Variants in CTNNA2 observed in about 807,000 individuals in gnomAD.
The protein encoded by CTNNA2 is catenin alpha 2.
Under a neutral mutation model 101.0 loss-of-function variants are expected in CTNNA2, and 42 were observed. That is an observed-to-expected ratio of 0.42 (90% confidence interval 0.32 to 0.54). CTNNA2 has a LOEUF of 0.54. Among genes scored for constraint, CTNNA2 ranks in the 20% least tolerant of loss-of-function variants. The probability of loss-of-function intolerance (pLI) is 0.14; values close to 1 mark genes in which losing one functional copy is unlikely to be tolerated. For synonymous variants in CTNNA2, 450 were observed against 456.4 expected (o/e 0.99, Z 0.18); for missense variants, 871 against 1,223.1 (o/e 0.71, Z 4.29).
chr2:79,248,331 C>A (rs1212475151), intron 2 of CTNNA2, among the ~76,000 whole-genome samples: 1 of 151,622 alleles, frequency 6.6e-6, no homozygotes. Flanking sequence ...TAAAAAGAAA[C>A]AGGTAAAATT....
intron 7 of CTNNA2, among the ~76,000 whole-genome samples, chr2:79,924,767 A>T (rs1340892707): frequency 6.6e-6 from 1 of 152,028 alleles, no homozygotes; most frequent in African/African-American, 2.4e-5. Context: ...TAGTTGGAGG[A>T]TCTATTTGAT....
At chr2:79,477,168 C>CTTTT (rs5832392) in intron 4 of CTNNA2, among the ~76,000 whole-genome samples, 155 of 123,114 alleles carry the variant, frequency 1.3e-3, no homozygotes, top group East Asian at 2.1e-3. Flanking sequence ...TCTTTTTTTT[C>CTTTT]TTTTTTTTTT....
chr2:80,130,060 G>T (rs1303397645), intron 7 of CTNNA2, among the ~76,000 whole-genome samples: 1 of 152,064 alleles, frequency 6.6e-6, no homozygotes, highest in Non-Finnish European at 1.5e-5. Flanking sequence ...ATCAAAAGAA[G>T]AAGAGAAATT....
chr2:80,216,698 C>A (rs756756566), intron 7 of CTNNA2, among the ~76,000 whole-genome samples: 2 of 152,146 alleles, frequency 1.3e-5, no homozygotes, highest in Admixed American at 6.5e-5. Flanking sequence ...GCCTCCAGAA[C>A]GGTGAGAAAC....
intron 6 of CTNNA2, among the ~76,000 whole-genome samples, chr2:79,901,313 G>T (rs1167634304): frequency 6.6e-6 from 1 of 151,450 alleles, no homozygotes; most frequent in Non-Finnish European, 1.5e-5. Context: ...AAATAGTCAT[G>T]CTGGACAGCA....
intron 13 of CTNNA2, among the ~76,000 whole-genome samples, chr2:80,580,308 T>C (rs538213184): frequency 2.0e-5 from 3 of 152,336 alleles, no homozygotes; most frequent in South Asian, 2.1e-4. Context: ...CCTGGGCTTA[T>C]GGATTCTTTC....
chr2:80,001,505 G>A (rs755788646), intron 7 of CTNNA2, among the ~76,000 whole-genome samples: 1 of 152,164 alleles, frequency 6.6e-6, no homozygotes. Context: ...GTGCATATAT[G>A]TACCTTCACA....
At chr2:79,586,137 T>C (rs1245127815) in intron 1 of CTNNA2, among the ~76,000 whole-genome samples, 10 of 152,050 alleles carry the variant, frequency 6.6e-5, no homozygotes, top group Admixed American at 6.6e-4. Flanking sequence ...ACTCCTCCTT[T>C]CTCTCTGCTG....
At chr2:79,648,726 C>G (rs888305172) in intron 1 of CTNNA2, among the ~76,000 whole-genome samples, 1 of 152,022 alleles carries the variant, frequency 6.6e-6, no homozygotes, top group Non-Finnish European at 1.5e-5. Flanking sequence ...GGGGATTTTG[C>G]GGTCCCCACC....
intron 3 of CTNNA2, among the ~76,000 whole-genome samples, chr2:79,791,269 A>G (rs1258293661): frequency 6.6e-6 from 1 of 152,170 alleles, no homozygotes; most frequent in Non-Finnish European, 1.5e-5. Flanking sequence ...CTGTGGAACA[A>G]ATAAGAATCT....
chr2:79,417,016 G>C (rs773374178), intron 4 of CTNNA2, among the ~76,000 whole-genome samples: 1 of 152,006 alleles, frequency 6.6e-6, no homozygotes, highest in Non-Finnish European at 1.5e-5. Flanking sequence ...GAACTCTGTG[G>C]CCCAAACTAC....
At chr2:79,615,379 A>G (rs1678547967) in intron 1 of CTNNA2, among the ~76,000 whole-genome samples, 1 of 152,224 alleles carries the variant, frequency 6.6e-6, no homozygotes, top group East Asian at 1.9e-4. Flanking sequence ...AATATGACTA[A>G]AAAAGTTAGC....
chr2:80,578,419 G>C (rs1279557860), intron 13 of CTNNA2, among the ~76,000 whole-genome samples: 4 of 152,078 alleles, frequency 2.6e-5, no homozygotes, highest in Admixed American at 1.3e-4. Context: ...ATCTTCCTGG[G>C]CCCATTTGCA....
intron 7 of CTNNA2, among the ~76,000 whole-genome samples, chr2:79,996,065 T>C (rs1468301513): frequency 6.6e-6 from 1 of 152,164 alleles, no homozygotes; most frequent in East Asian, 1.9e-4. Flanking sequence ...CTCTGGGCCT[T>C]GAAGTTAAGT....
At chr2:79,641,712 T>TGA (rs1680460887) in intron 1 of CTNNA2, among the ~76,000 whole-genome samples, 1 of 152,320 alleles carries the variant, frequency 6.6e-6, no homozygotes. Flanking sequence ...AGGAGTAGAC[T>TGA]GAGTCTGTAT....
At position 80,303,722 on chromosome 2, in the gene CTNNA2, G is replaced by A. The variant is rs1464347534; in HGVS notation, c.1057-89489G>A. 6.2e-7 allele frequency: 1 copy of A among 1,605,984 alleles called. No homozygotes were observed. The highest frequency in any genetic ancestry group is 1.7e-5 in the Admixed American group (1 of 59,500). On this transcript the variant is annotated intron_variant, in intron 7 of 18. Transcript: ENST00000402739. The surrounding 1 kb of genome is among the most constrained non-coding windows in gnomAD (Gnocchi z 7.7). ...CTGCGGGCACCCGCTGGGGGCGGCG[G>A]GCAGCATCTGAAAGCAGGCCCCCAG... is the stretch of plus-strand genomic sequence containing the variant.
chr2:79,705,083 G>T (rs1011653778), intron 2 of CTNNA2, among the ~76,000 whole-genome samples: 34 of 151,984 alleles, frequency 2.2e-4, no homozygotes, highest in African/African-American at 8.0e-4. Flanking sequence ...CTAGTGGGTC[G>T]AATCCAAGGA....
intron 7 of CTNNA2, among the ~76,000 whole-genome samples, chr2:79,920,120 G>A (rs1366948635): frequency 1.3e-5 from 2 of 152,274 alleles, no homozygotes; most frequent in Middle Eastern, 3.4e-3. Flanking sequence ...GGGAGGCTGA[G>A]GCAGGAGAAT....
At chr2:79,286,290 G>T (rs1195570592) in intron 2 of CTNNA2, among the ~76,000 whole-genome samples, 2 of 152,262 alleles carry the variant, frequency 1.3e-5, no homozygotes, top group East Asian at 3.9e-4. Context: ...AATTTGATCT[G>T]TCATTATGAT....
Sources: allele counts gnomAD v4.1 joint callset (sites outside exome capture counted in the v4.1 genomes callset), GRCh38; gene constraint gnomAD v4.1.1; non-coding constraint Gnocchi (gnomAD v3.1); transcripts MANE v1.5; gene names NCBI Gene and HGNC (gene_info 2026-07-23, HGNC 2026-07-21).